The following DLG2 variants were observed in gnomAD, a reference collection of about 807,000 sequenced individuals.
DLG2 encodes discs large MAGUK scaffold protein 2, also known as disks large homolog 2.
In DLG2, 45 loss-of-function variants were observed where a neutral mutation model predicts 132.5. The observed-to-expected ratio is 0.34, with a 90% CI of 0.27 to 0.44. DLG2 has a LOEUF of 0.44. DLG2 is among the 20% of genes least tolerant of loss of function. DLG2 has a pLI of 1.00. For synonymous variants in DLG2, 424 were observed against 419.6 expected (o/e 1.01, Z -0.13); for missense variants, 1,045 against 1,196.9 (o/e 0.87, Z 1.87).
chr11:85,447,786 G>A (rs777482256), intron 3 of DLG2, among the ~76,000 whole-genome samples: 8 of 151,984 alleles, frequency 5.3e-5, no homozygotes, highest in Non-Finnish European at 1.2e-4. Context: ...TCCCAAGAAA[G>A]CAAAGAAACC....
At chr11:84,424,473 T>C (rs1601875058) in intron 7 of DLG2, among the ~76,000 whole-genome samples, 2 of 152,196 alleles carry the variant, frequency 1.3e-5, no homozygotes, top group South Asian at 2.1e-4. Flanking sequence ...GTAATACCTG[T>C]TATTCAAAAA....
intron 10 of DLG2, among the ~76,000 whole-genome samples, chr11:84,091,055 CT>C (rs2097084375): frequency 1.3e-5 from 2 of 152,114 alleles, no homozygotes; most frequent in Non-Finnish European, 2.9e-5. Context: ...AAAAATGTTA[CT>C]AGTGATTAGC....
intron 8 of DLG2, chr11:84,166,756 C>A: frequency 2.9e-6 from 1 of 346,948 alleles, no homozygotes; most frequent in South Asian, 2.4e-5. Context: ...CTCAGCAAAA[C>A]CAAAACTGTT....
chr11:84,416,108 T>A (rs1339423376), intron 7 of DLG2, among the ~76,000 whole-genome samples: 1 of 152,190 alleles, frequency 6.6e-6, no homozygotes, highest in Non-Finnish European at 1.5e-5. Context: ...AACTCCCTTC[T>A]CCATTTTGTG....
chr11:85,059,910 C>CTT (rs2063865962), intron 6 of DLG2, among the ~76,000 whole-genome samples: 1 of 151,336 alleles, frequency 6.6e-6, no homozygotes, highest in African/African-American at 2.4e-5. Context: ...TGTATAAATA[C>CTT]GTAAATATAC....
intron 3 of DLG2, among the ~76,000 whole-genome samples, chr11:85,417,701 A>T (rs1257435691): frequency 2.0e-5 from 3 of 152,068 alleles, no homozygotes; most frequent in Non-Finnish European, 4.4e-5. Context: ...GAATTTATCC[A>T]TTTCTTCTAG....
chr11:83,830,008 G>C (rs562726058), intron 17 of DLG2, among the ~76,000 whole-genome samples: 1 of 152,172 alleles, frequency 6.6e-6, no homozygotes, highest in African/African-American at 2.4e-5. Context: ...TTCGTTTTCT[G>C]TCCTTGCGAT....
intron 18 of DLG2, chr11:83,725,159 AT>A (rs2089755757): frequency 2.2e-6 from 1 of 454,212 alleles, no homozygotes; most frequent in Admixed American, 3.4e-5. Flanking sequence ...GATGTTGGCT[AT>A]CTCACTCACC....
intron 6 of DLG2, among the ~76,000 whole-genome samples, chr11:85,103,381 G>C (rs907335519): frequency 1.3e-5 from 2 of 151,948 alleles, no homozygotes; most frequent in Non-Finnish European, 2.9e-5. Flanking sequence ...AATCAAGACA[G>C]TGTGGCACTG....
At chr11:84,084,219 T>C (rs1364194416) in intron 10 of DLG2, among the ~76,000 whole-genome samples, 1 of 152,144 alleles carries the variant, frequency 6.6e-6, no homozygotes, top group Non-Finnish European at 1.5e-5. Flanking sequence ...AAGAAGGAGC[T>C]GGGGCTAGAA....
At chr11:84,001,933 A>C (rs1439146555) in intron 11 of DLG2, among the ~76,000 whole-genome samples, 1 of 152,182 alleles carries the variant, frequency 6.6e-6, no homozygotes, top group Non-Finnish European at 1.5e-5. Flanking sequence ...TCTGTAAGAT[A>C]CAGCAAAAGC....
At chr11:84,211,330 T>C (rs1427738081) in intron 8 of DLG2, among the ~76,000 whole-genome samples, 2 of 152,220 alleles carry the variant, frequency 1.3e-5, no homozygotes, top group Non-Finnish European at 2.9e-5. Flanking sequence ...CCTATTATAC[T>C]TGTAGTTCAC....
chr11:84,575,748 T>C (rs2099498239), intron 6 of DLG2, among the ~76,000 whole-genome samples: 1 of 152,244 alleles, frequency 6.6e-6, no homozygotes, highest in Non-Finnish European at 1.5e-5. Flanking sequence ...ATTGTCACTT[T>C]GTTGTCCTAT....
intron 6 of DLG2, among the ~76,000 whole-genome samples, chr11:85,103,032 G>T (rs944387038): frequency 1.3e-5 from 2 of 151,722 alleles, no homozygotes; most frequent in Admixed American, 6.6e-5. Context: ...GCATTGAAAA[G>T]AATAAAATAT....
chr11:85,437,160 G>A (rs1597343418), intron 3 of DLG2, among the ~76,000 whole-genome samples: 1 of 152,112 alleles, frequency 6.6e-6, no homozygotes, highest in Non-Finnish European at 1.5e-5. Context: ...GGGGAGGGAT[G>A]CAAGGGGAGG....
intron 6 of DLG2, among the ~76,000 whole-genome samples, chr11:84,745,448 T>A (rs2065237366): frequency 6.6e-6 from 1 of 152,170 alleles, no homozygotes; most frequent in Non-Finnish European, 1.5e-5. Flanking sequence ...TTGTAAGTTT[T>A]CTGAGGCCTC....
chr11:83,888,014 G>T (rs2154082388), intron 15 of DLG2, among the ~76,000 whole-genome samples: 1 of 141,922 alleles, frequency 7.0e-6, no homozygotes, highest in South Asian at 2.6e-4. Flanking sequence ...GCAAAAACTG[G>T]AAGCATTCCC....
intron 8 of DLG2, among the ~76,000 whole-genome samples, chr11:84,172,757 G>C (rs2154270653): frequency 6.6e-6 from 1 of 152,136 alleles, no homozygotes; most frequent in East Asian, 1.9e-4. Flanking sequence ...TGGCCAGGCT[G>C]GTCTTGAACT....
chr11:85,296,497 T>A (rs2079226330), intron 3 of DLG2, among the ~76,000 whole-genome samples: 1 of 151,030 alleles, frequency 6.6e-6, no homozygotes, highest in African/African-American at 2.4e-5. Context: ...ACTTAGTTCT[T>A]TCTTATTTTT....
Sources: allele counts gnomAD v4.1 joint callset (sites outside exome capture counted in the v4.1 genomes callset), GRCh38; gene constraint gnomAD v4.1.1; transcripts MANE v1.5; gene names NCBI Gene and HGNC (gene_info 2026-07-23, HGNC 2026-07-21).